Variants in CEP164 observed in about 807,000 individuals in gnomAD.
CEP164 encodes the protein centrosomal protein of 164 kDa.
Under a neutral mutation model 182.7 loss-of-function variants are expected in CEP164, and 162 were observed. The ratio of observed to expected loss-of-function variants is 0.89; its 90% CI spans 0.78 to 1.01. CEP164 has a LOEUF of 1.01. Ranked by LOEUF, CEP164 falls within the 50% of genes least tolerant of loss-of-function variation. The probability of loss-of-function intolerance (pLI) is 0.00; values close to 1 mark genes in which losing one functional copy is unlikely to be tolerated. For missense variants in CEP164, 1,735 were observed against 1,790.4 expected (o/e 0.97, Z 0.56); for synonymous variants, 661 against 690.0 (o/e 0.96, Z 0.66).
intron 4 of CEP164, 62 bp from the exon 5 acceptor site, chr11:117,351,728 C>CTTTTTTTTTTTTTT: frequency 3.8e-6 from 5 of 1,332,810 alleles, no homozygotes; most frequent in East Asian, 5.2e-5. Flanking sequence ...TTTTTCCCCT[C>CTTTTTTTTTTTTTT]TTTTTTTTTT....
intron 8 of CEP164, among the ~76,000 whole-genome samples, chr11:117,365,425 C>G (rs1372062554): frequency 1.3e-5 from 2 of 152,138 alleles, no homozygotes; most frequent in Non-Finnish European, 1.5e-5. Context: ...AGAGTGGGTA[C>G]TTGGTCCCTG....
Position 117,397,358 on chromosome 11 carries a change from C to G in CEP164, c.3501+45C>G, listed in dbSNP as rs77543424. ...GCCTGCCAGCCCTGTGTGGGGGAGG[C>G]GGGGGGAGTCAGCAAAACAGTCCTT... On this transcript the variant is annotated intron_variant, in intron 27 of 32. Transcript: ENST00000278935. The G allele has an allele frequency of 0.018, 27,655 of 1,559,442 alleles. 465 individuals are homozygous for G. Among genetic ancestry groups the G allele is most frequent in the East Asian group, 0.1 (4,558 of 43,630 alleles).
chr11:117,411,072 G>A lies in CEP164; in HGVS notation c.4163+178G>A, dbSNP rs2047298026. The stretch of plus-strand genomic sequence containing the variant: ...GCCTGGGTCTGAGGCGCCCCTCCAT[G>A]ACCAGGGGAAAGTCAAGTTCACACC... On this transcript the variant is annotated intron_variant, in intron 31 of 32. Transcript: ENST00000278935. The surrounding 1 kb of genome is among the most constrained non-coding windows in gnomAD (Gnocchi z 4.4). The A allele has an allele frequency of 3.4e-6, 2 of 596,632 alleles. No homozygotes were observed. The highest frequency in any genetic ancestry group is 2.0e-5 in the South Asian group (1 of 50,284). The allele number at this position is 596,632 out of a possible 1,614,324, so 37.0% of individuals were successfully genotyped here. A position where few individuals can be genotyped will look rare whatever the true frequency, so the allele number is the denominator to read the frequency against.
intron 8 of CEP164, among the ~76,000 whole-genome samples, chr11:117,370,568 G>C (rs1364327414): frequency 6.6e-6 from 1 of 152,166 alleles, no homozygotes; most frequent in Non-Finnish European, 1.5e-5. Context: ...AATCACTATA[G>C]AAATTCTGAT....
intron 12 of CEP164, among the ~76,000 whole-genome samples, chr11:117,381,152 T>C (rs930492899): frequency 1.3e-5 from 2 of 152,310 alleles, no homozygotes; most frequent in African/African-American, 4.8e-5. Context: ...CAGAAATGGC[T>C]GTAGCTATCT....
Position 117,397,133 on chromosome 11 carries a change from G to C in CEP164, c.3321G>C (p.Gly1107=). ...HNVWHLLSAE[G]VALRSAKEFL... ...TCTGGCACCTCCTCTCTGCTGAGGG[G>C]GTAGCCCTCCGTAGTGCCAAGGAGT... The change falls in exon 27 of 33, where the codon GGG becomes GGC. Residue 1107 remains glycine (G), a synonymous_variant. Transcript: ENST00000278935. The C allele has an allele frequency of 1.2e-6, 2 of 1,614,188 alleles. No individual in the cohort carries two copies. The highest frequency in any genetic ancestry group is 1.7e-6 in the Non-Finnish European group (2 of 1,180,022).
At chr11:117,377,935 C>T (rs2042922814) in intron 11 of CEP164, among the ~76,000 whole-genome samples, 1 of 152,118 alleles carries the variant, frequency 6.6e-6, no homozygotes, top group Admixed American at 6.5e-5. Flanking sequence ...TCTTGGCTCA[C>T]TGCAACCTCC....
At chr11:117,397,954 C>A (rs1592414797) in intron 27 of CEP164, among the ~76,000 whole-genome samples, 2 of 152,190 alleles carry the variant, frequency 1.3e-5, no homozygotes, top group African/African-American at 2.4e-5. Context: ...AAAGTCTTAA[C>A]TCATTTCAGC....
At chr11:117,362,030 C>T in intron 6 of CEP164, 37 bp downstream of exon 6, 1 of 1,519,344 alleles carries the variant, frequency 6.6e-7, no homozygotes, top group Non-Finnish European at 8.8e-7. Flanking sequence ...TCTGTAGTTC[C>T]TGTGGGGCCT....
intron 1 of CEP164, among the ~76,000 whole-genome samples, chr11:117,328,935 T>C (rs1368899091): frequency 6.6e-6 from 1 of 152,210 alleles, no homozygotes; most frequent in Non-Finnish European, 1.5e-5. Flanking sequence ...ATTCTGCCTC[T>C]TAATTCCCCT....
rs1405096699 is a variant in CEP164 at position 117,390,851 on chromosome 11, T to C, written c.2009T>C (p.Leu670Pro). 1.2e-6 allele frequency: 2 copies of C among 1,613,766 alleles called. No homozygotes were observed. The highest frequency in any genetic ancestry group is 1.1e-5 in the South Asian group (1 of 91,060). The part of the protein sequence containing the change: ...ARMREEESQR[L>P]SWLRAQVQSS... ...ATGAGAGAGGAGGAAAGCCAGAGGC[T>C]ATCCTGGCTCCGAGCTCAGGTCCAG... Residue 670 changes from leucine to proline, a missense_variant, in exon 16 of 33, where the codon CTA becomes CCA. Leu to Pro is a moderately conservative substitution (Grantham distance 98, BLOSUM62 -3). Transcript: ENST00000278935.
At chr11:117,347,514 C>T (rs1022160171) in intron 4 of CEP164, among the ~76,000 whole-genome samples, 15 of 151,984 alleles carry the variant, frequency 9.9e-5, no homozygotes, top group African/African-American at 3.1e-4. Flanking sequence ...AGTTCGAGAC[C>T]AGCCTGACCA....
chr11:117,406,737 G>C (rs1384047361), intron 27 of CEP164, among the ~76,000 whole-genome samples: 2 of 152,194 alleles, frequency 1.3e-5, no homozygotes, highest in African/African-American at 2.4e-5. Context: ...TGGGATCACA[G>C]ATCTTTGACC....
At chr11:117,340,648 T>G (rs1276063930) in intron 3 of CEP164, among the ~76,000 whole-genome samples, 1 of 152,168 alleles carries the variant, frequency 6.6e-6, no homozygotes, top group African/African-American at 2.4e-5. Flanking sequence ...GATCCTCCCA[T>G]GTAGCTAGAA....
At chr11:117,376,351 G>A (rs1053422090) in intron 11 of CEP164, among the ~76,000 whole-genome samples, 2 of 152,184 alleles carry the variant, frequency 1.3e-5, no homozygotes, top group South Asian at 2.1e-4. Context: ...TTGTTTGTCT[G>A]TCTCCCCTGC....
intron 5 of CEP164, chr11:117,356,729 C>A: frequency 9.3e-7 from 1 of 1,077,974 alleles, no homozygotes; most frequent in Non-Finnish European, 1.2e-6. Context: ...CCCACCCTAC[C>A]GTGGTAACTA....
At chr11:117,382,411 G>A (rs1278705263) in intron 13 of CEP164, among the ~76,000 whole-genome samples, 1 of 152,184 alleles carries the variant, frequency 6.6e-6, no homozygotes, top group African/African-American at 2.4e-5. Context: ...CTAGTCAAGA[G>A]CGTGGTGGAC....
At chr11:117,375,651 G>A in intron 10 of CEP164, 57 bp from the exon 11 acceptor site, 3 of 1,466,348 alleles carry the variant, frequency 2.0e-6, no homozygotes, top group Non-Finnish European at 1.9e-6. Flanking sequence ...GAAGAGGCCT[G>A]GTGGGTGTTG....
chr11:117,350,419 T>A (rs1271143865), intron 4 of CEP164, among the ~76,000 whole-genome samples: 10 of 152,122 alleles, frequency 6.6e-5, no homozygotes, highest in Admixed American at 1.3e-4. Flanking sequence ...TGCCCAGGCT[T>A]ATTTTTTGGA....
Sources: gnomAD v4.1 joint callset for allele counts (sites outside exome capture counted in the v4.1 genomes callset) on GRCh38, gnomAD v4.1.1 for gene constraint, Gnocchi (gnomAD v3.1) non-coding constraint, MANE v1.5 for transcripts, NCBI Gene and HGNC (gene_info 2026-07-23, HGNC 2026-07-21) for gene names.